Variants in GRIP1 observed in about 807,000 individuals in gnomAD.
The protein encoded by GRIP1 is glutamate receptor interacting protein 1.
In GRIP1, 45 loss-of-function variants were observed where a neutral mutation model predicts 129.9. The ratio of observed to expected loss-of-function variants is 0.35; its 90% CI spans 0.27 to 0.44. The LOEUF (loss-of-function observed/expected upper bound fraction) is 0.44, where lower values mean the gene tolerates loss of function less well. GRIP1 is among the 20% of genes least tolerant of loss of function. The pLI is 1.00. For missense variants in GRIP1, 1,196 were observed against 1,396.8 expected (o/e 0.86, Z 2.29); for synonymous variants, 530 against 520.8 (o/e 1.02, Z -0.24).
chr12:66,623,243 G>T (rs181681108), intron 1 of GRIP1, among the ~76,000 whole-genome samples: 1 of 152,086 alleles, frequency 6.6e-6, no homozygotes, highest in East Asian at 1.9e-4. Context: ...TATCTTCAAT[G>T]AACTTTATTT....
At position 66,602,860 on chromosome 12, in the gene GRIP1, T is replaced by C. The variant is rs1227654074; in HGVS notation, c.56-5933A>G. Among the ~76,000 whole-genome samples, 4 of 86,734 alleles carry C rather than the reference T, an allele frequency of 4.6e-5. No homozygotes were observed. In the Admixed American group the frequency reaches 4.6e-4, roughly 10 times the overall value. 56.9% of individuals were successfully genotyped at this position (86,734 alleles called of 152,430 possible). On this transcript the variant is annotated intron_variant, in intron 1 of 24. Transcript: ENST00000359742. ...ACCAGATCTTTTGCTTTTTTTTTTTTTTTTTTTTTTTTTTTTGAGATAGGG... is the reference window on the plus strand; with the variant it reads ...ACCAGATCTTTTGCTTTTTTTTTTTCTTTTTTTTTTTTTTTTGAGATAGGG...
chr12:66,725,119 C>T (rs1457901130), intron 1 of GRIP1, among the ~76,000 whole-genome samples: 1 of 151,924 alleles, frequency 6.6e-6, no homozygotes, highest in Admixed American at 6.6e-5. Flanking sequence ...TAATGAAACC[C>T]CAGCTTTACA....
At chr12:66,811,067 A>G (rs2136951711) in intron 1 of GRIP1, among the ~76,000 whole-genome samples, 1 of 152,340 alleles carries the variant, frequency 6.6e-6, no homozygotes, top group East Asian at 1.9e-4. Flanking sequence ...CTGCATTTGT[A>G]AATTTATTGT....
At chr12:66,712,849 G>C (rs1776866910) in intron 1 of GRIP1, among the ~76,000 whole-genome samples, 1 of 152,012 alleles carries the variant, frequency 6.6e-6, no homozygotes, top group Non-Finnish European at 1.5e-5. Context: ...TTATCACTAT[G>C]TAGAATAATG....
chr12:66,590,777 C>T (rs1402176702), intron 2 of GRIP1, among the ~76,000 whole-genome samples: 1 of 152,178 alleles, frequency 6.6e-6, no homozygotes, highest in Non-Finnish European at 1.5e-5. Flanking sequence ...ACCTATATTC[C>T]ATTCATTAGT....
intron 1 of GRIP1, among the ~76,000 whole-genome samples, chr12:66,673,458 G>A (rs966540276): frequency 6.6e-6 from 1 of 151,988 alleles, no homozygotes; most frequent in African/African-American, 2.4e-5. Flanking sequence ...ATATAAGAAG[G>A]GTGTAGACTC....
chr12:66,460,196 C>T (rs572631893), intron 9 of GRIP1, among the ~76,000 whole-genome samples: 51 of 152,232 alleles, frequency 3.4e-4, no homozygotes, highest in African/African-American at 1.2e-3. Context: ...CCAGACATAC[C>T]GCCTCTTCCT....
intron 11 of GRIP1, among the ~76,000 whole-genome samples, chr12:66,454,191 G>A (rs1193956949): frequency 6.6e-6 from 1 of 152,188 alleles, no homozygotes; most frequent in South Asian, 2.1e-4. Flanking sequence ...GGTGATAGCT[G>A]GTCTTGGGCA....
At chr12:66,976,084 C>T (rs774540011) in intron 1 of GRIP1, among the ~76,000 whole-genome samples, 5 of 152,172 alleles carry the variant, frequency 3.3e-5, no homozygotes, top group Non-Finnish European at 5.9e-5. Context: ...TAGGCTTGGG[C>T]TCCACAAACC....
chr12:66,543,714 G>A (rs952415620), intron 2 of GRIP1, among the ~76,000 whole-genome samples: 2 of 152,114 alleles, frequency 1.3e-5, no homozygotes, highest in African/African-American at 4.8e-5. Flanking sequence ...CATAGATGAT[G>A]ACCGTTCATA....
intron 1 of GRIP1, among the ~76,000 whole-genome samples, chr12:66,972,092 T>C (rs1803654531): frequency 6.6e-6 from 1 of 152,162 alleles, no homozygotes; most frequent in South Asian, 2.1e-4. Context: ...CAGCTAGCAT[T>C]TGCCATTAAC....
At chr12:66,903,884 A>G (rs1199603595) in intron 1 of GRIP1, among the ~76,000 whole-genome samples, 1 of 152,182 alleles carries the variant, frequency 6.6e-6, no homozygotes, top group African/African-American at 2.4e-5. Context: ...GAGGATGAGG[A>G]AGAGAGATGG....
intron 2 of GRIP1, among the ~76,000 whole-genome samples, chr12:66,591,870 C>T (rs543697241): frequency 6.6e-6 from 1 of 152,150 alleles, no homozygotes; most frequent in African/African-American, 2.4e-5. Flanking sequence ...AGAGATCTGC[C>T]CGCCTTGGCC....
chr12:66,683,397 G>A (rs1438862722), upstream of GRIP1, among the ~76,000 whole-genome samples: 1 of 152,002 alleles, frequency 6.6e-6, no homozygotes, highest in Non-Finnish European at 1.5e-5. Flanking sequence ...CTGTCATGAA[G>A]GACTATTAAA....
chr12:66,517,955 T>C lies in GRIP1; in HGVS notation c.524A>G (p.Asn175Ser). ...TGTTATCACAACTGGACGAGATTTA[T>C]TTCTATCATCATGTGCTCCCCCTAG... Reference protein sequence around the residue: ...VIRGGAHDDRNKSRPVVITCV... With the variant: ...VIRGGAHDDRSKSRPVVITCV... Residue 175 changes from asparagine to serine, a missense_variant, in exon 6 of 25, where the codon AAT (asparagine) becomes AGT (serine). Around this residue, in one of 5 missense-constraint regions of GRIP1, gnomAD observed 217 missense variants for 224.8 expected, o/e 0.97. Transcript: ENST00000359742. 6.3e-7 allele frequency: 1 copy of C among 1,594,700 alleles called. No homozygotes were observed. The highest frequency in any genetic ancestry group is 8.6e-7 in the Non-Finnish European group (1 of 1,162,484).
At chr12:67,024,607 T>G (rs1249554631) in intron 1 of GRIP1, among the ~76,000 whole-genome samples, 1 of 152,192 alleles carries the variant, frequency 6.6e-6, no homozygotes, top group East Asian at 1.9e-4. Context: ...ACCATCTTAT[T>G]TGTGTTCTAA....
Position 66,348,527 on chromosome 12 carries a change from G to T in GRIP1, c.*492C>A, listed in dbSNP as rs911075021. Reference sequence around the variant, plus strand: ...ATTTTATACCTGTACCCCTCCCATTGTGGTAGTCCCAGCAGTTTACCAAAC... The same window carrying T: ...ATTTTATACCTGTACCCCTCCCATTTTGGTAGTCCCAGCAGTTTACCAAAC... On this transcript the variant is annotated 3_prime_UTR_variant, in exon 25 of 25. Coordinates refer to ENST00000359742, the MANE Select transcript of GRIP1 (RefSeq NM_001366722.1). 3 of 173,190 alleles carry T rather than the reference G, an allele frequency of 1.7e-5. No individual in the cohort carries two copies. Among genetic ancestry groups the T allele is most frequent in the Non-Finnish European group, 3.7e-5 (3 of 80,158 alleles). 10.7% of individuals were successfully genotyped at this position (173,190 alleles called of 1,614,324 possible). A position where few individuals can be genotyped will look rare whatever the true frequency, so the allele number is the denominator to read the frequency against.
chr12:66,392,958 C>A, intron 17 of GRIP1, 142 bp from the exon 18 acceptor site: 1 of 810,804 alleles, frequency 1.2e-6, no homozygotes, highest in Non-Finnish European at 2.1e-6. Context: ...TTCTCCTGGG[C>A]AATGTTATAA....
At chr12:66,780,123 T>C (rs962280705) in intron 1 of GRIP1, among the ~76,000 whole-genome samples, 1 of 152,178 alleles carries the variant, frequency 6.6e-6, no homozygotes, top group African/African-American at 2.4e-5. Flanking sequence ...AGCAACTAGT[T>C]GGTCAAAACC....
Sources: gnomAD v4.1 joint callset for allele counts (sites outside exome capture counted in the v4.1 genomes callset) on GRCh38, gnomAD v4.1.1 for gene constraint, gnomAD v4.1.1 regional missense constraint, MANE v1.5 for transcripts, NCBI Gene and HGNC (gene_info 2026-07-23, HGNC 2026-07-21) for gene names.